Variants in SPIDR observed in about 807,000 individuals in gnomAD.
SPIDR encodes DNA repair-scaffolding protein.
In SPIDR, 93 loss-of-function variants were observed where a neutral mutation model predicts 104.6. That is an observed-to-expected ratio of 0.89 (90% CI 0.75 to 1.06). The LOEUF is 1.06. Among genes scored for constraint, SPIDR ranks in the 50% least tolerant of loss-of-function variants. The pLI, the probability that SPIDR is intolerant of heterozygous loss-of-function variation, is 0.00. For missense variants in SPIDR, 1,154 were observed against 1,111.2 expected, an observed-to-expected ratio of 1.04 and a Z score of -0.55; for synonymous variants, 431 against 416.9, an observed-to-expected ratio of 1.03 and a Z score of -0.41.
intron 7 of SPIDR, chr8:47,419,064 T>C (rs1554677686): frequency 6.6e-6 from 1 of 152,198 alleles, no homozygotes; most frequent in African/African-American, 2.4e-5. Context: ...CTCAGGGATA[T>C]TGGTCTAAAA....
intron 8 of SPIDR, among the ~76,000 whole-genome samples, chr8:47,586,323 G>T (rs1408947297): frequency 1.3e-5 from 2 of 152,052 alleles, no homozygotes; most frequent in Non-Finnish European, 2.9e-5. Flanking sequence ...GAAAAAAACT[G>T]CCAAACTTTT....
At chr8:47,537,227 A>C (rs2087071886) in intron 8 of SPIDR, among the ~76,000 whole-genome samples, 2 of 152,244 alleles carry the variant, frequency 1.3e-5, no homozygotes, top group South Asian at 4.1e-4. Context: ...TATCCAAATA[A>C]TTGTTGAAAG....
chr8:47,383,788 A>T (rs1260675756), intron 5 of SPIDR, among the ~76,000 whole-genome samples: 2 of 152,198 alleles, frequency 1.3e-5, no homozygotes, highest in African/African-American at 4.8e-5. Context: ...TTTATAAGTA[A>T]AACTATATAT....
chr8:47,665,025 A>G (rs2154465338), intron 10 of SPIDR, among the ~76,000 whole-genome samples: 1 of 152,356 alleles, frequency 6.6e-6, no homozygotes, highest in East Asian at 1.9e-4. Context: ...AGTGCGAGAG[A>G]GAGAGGATGA....
chr8:47,416,903 G>T (rs1205948590), intron 7 of SPIDR, among the ~76,000 whole-genome samples: 8 of 106,294 alleles, frequency 7.5e-5, no homozygotes, highest in Non-Finnish European at 2.1e-4. Context: ...GCGATAATTT[G>T]CTGAGAGTGA....
intron 1 of SPIDR, among the ~76,000 whole-genome samples, chr8:47,278,920 A>C (rs1267827191): frequency 6.6e-6 from 1 of 151,448 alleles, no homozygotes; most frequent in Non-Finnish European, 1.5e-5. Flanking sequence ...GTGGCCTCTC[A>C]CTGTGTTGCC....
intron 5 of SPIDR, among the ~76,000 whole-genome samples, chr8:47,298,772 G>C (rs1350087276): frequency 6.6e-6 from 1 of 152,058 alleles, no homozygotes; most frequent in African/African-American, 2.4e-5. Flanking sequence ...GTAGATATGC[G>C]GCATTATTTC....
intron 1 of SPIDR, among the ~76,000 whole-genome samples, chr8:47,266,129 CTTTTTT>C (rs1224689414): frequency 3.9e-5 from 5 of 129,674 alleles, no homozygotes; most frequent in Non-Finnish European, 6.6e-5. Context: ...GTTTCTTTGT[CTTTTTT>C]TTTTTTTTTT....
Position 47,284,050 on chromosome 8 carries a change from C to T in SPIDR, c.212C>T (p.Thr71Met), listed in dbSNP as rs2038329070. 9.3e-6 allele frequency: 15 copies of T among 1,611,162 alleles called. No individual in the cohort carries two copies. Among genetic ancestry groups the T allele is most frequent in the African/African-American group, 1.3e-5 (1 of 74,728 alleles). Reference protein sequence around the residue: ...GNPSLTAEEKTITEKHLELCP... With the variant: ...GNPSLTAEEKMITEKHLELCP... Reference sequence around the variant, plus strand: ...CAGTCATTAACAGCTGAAGAGAAGACGATTACAGAAAAGCACCTTGAATTA... The same window carrying T: ...CAGTCATTAACAGCTGAAGAGAAGATGATTACAGAAAAGCACCTTGAATTA... Residue 71 changes from threonine to methionine, a missense_variant, in exon 3 of 20, where the codon ACG (threonine) becomes ATG (methionine). By Grantham distance (81) the Thr-to-Met change is moderately conservative. Coordinates refer to ENST00000297423, the MANE Select transcript of SPIDR (RefSeq NM_001080394.4).
At chr8:47,560,272 T>TA (rs2056893615) in intron 8 of SPIDR, among the ~76,000 whole-genome samples, 1 of 152,206 alleles carries the variant, frequency 6.6e-6, no homozygotes, top group Admixed American at 6.5e-5. Context: ...CACTTTCACA[T>TA]ATAGTGCTGG....
At chr8:47,497,107 T>A (rs1370555802) in intron 8 of SPIDR, among the ~76,000 whole-genome samples, 2 of 152,038 alleles carry the variant, frequency 1.3e-5, no homozygotes, top group Non-Finnish European at 2.9e-5. Context: ...TCATTTTTTC[T>A]TGGTCACCCT....
chr8:47,336,122 C>G (rs1554608973), intron 5 of SPIDR, among the ~76,000 whole-genome samples: 2 of 152,056 alleles, frequency 1.3e-5, no homozygotes, highest in African/African-American at 2.4e-5. Flanking sequence ...CTTAGATACT[C>G]TATTTTTTTC....
chr8:47,585,431 A>T (rs1034525775), intron 8 of SPIDR, among the ~76,000 whole-genome samples: 21 of 152,140 alleles, frequency 1.4e-4, no homozygotes, highest in African/African-American at 3.6e-4. Flanking sequence ...TTTTTATTAA[A>T]TTTTTTATTT....
At chr8:47,621,821 C>G (rs1376307136) in intron 10 of SPIDR, among the ~76,000 whole-genome samples, 1 of 152,132 alleles carries the variant, frequency 6.6e-6, no homozygotes, top group Non-Finnish European at 1.5e-5. Context: ...AAAAATTAGC[C>G]AGGCATGATG....
chr8:47,549,959 G>T (rs892971949), intron 8 of SPIDR, among the ~76,000 whole-genome samples: 7 of 152,184 alleles, frequency 4.6e-5, no homozygotes, highest in African/African-American at 1.7e-4. Flanking sequence ...GTAAAGAAGG[G>T]ATCCAGTTTC....
At chr8:47,614,502 G>C (rs764290945) in intron 10 of SPIDR, among the ~76,000 whole-genome samples, 2 of 152,154 alleles carry the variant, frequency 1.3e-5, no homozygotes, top group South Asian at 4.1e-4. Context: ...AATTATAGGC[G>C]TAAGCCACCA....
intron 10 of SPIDR, among the ~76,000 whole-genome samples, chr8:47,666,370 T>G (rs937829336): frequency 6.6e-6 from 1 of 152,228 alleles, no homozygotes; most frequent in Admixed American, 6.5e-5. Context: ...TATTCCTTAT[T>G]GCTGACTACA....
At chr8:47,462,199 A>C (rs1333603852) in intron 8 of SPIDR, among the ~76,000 whole-genome samples, 1 of 152,136 alleles carries the variant, frequency 6.6e-6, no homozygotes, top group Admixed American at 6.5e-5. Flanking sequence ...GGATCTAGCC[A>C]TTCAGCAGGG....
intron 5 of SPIDR, among the ~76,000 whole-genome samples, chr8:47,363,494 CTT>C (rs201864791): frequency 9.5e-6 from 1 of 105,018 alleles, no homozygotes; most frequent in African/African-American, 2.9e-5. Context: ...CACGCCCAAC[CTT>C]TTTTAAAAAA....
Sources: gnomAD v4.1 joint callset for allele counts (sites outside exome capture counted in the v4.1 genomes callset) on GRCh38, gnomAD v4.1.1 for gene constraint, MANE v1.5 for transcripts, NCBI Gene and HGNC (gene_info 2026-07-23, HGNC 2026-07-21) for gene names.